SGPP2: variants seen among roughly 807,000 people sequenced by gnomAD.
SGPP2 encodes sphingosine-1-phosphate phosphatase 2, also known as sphingosine 1-phosphate phosphohydrolase 2.
SGPP2 carries 30 observed loss-of-function variants against 33.9 expected under a neutral mutation model. The ratio of observed to expected loss-of-function variants is 0.89; its 90% confidence interval spans 0.66 to 1.20. The LOEUF (loss-of-function observed/expected upper bound fraction) is 1.20. Ranked by LOEUF, SGPP2 falls within the 50% of genes most tolerant of loss-of-function variation. The pLI is 0.00. For synonymous variants in SGPP2, 233 were observed against 225.0 expected, an observed-to-expected ratio of 1.04 and a Z score of -0.32; for missense variants, 458 against 532.1, an observed-to-expected ratio of 0.86 and a Z score of 1.37.
chr2:222,507,435 T>C (rs1256134389), intron 2 of SGPP2, among the ~76,000 whole-genome samples: 10 of 152,244 alleles, frequency 6.6e-5, no homozygotes, highest in Admixed American at 6.5e-4. Flanking sequence ...GGACCTGGCA[T>C]GTGACTAACA....
chr2:222,542,626 G>C (rs1337184024), intron 4 of SGPP2, among the ~76,000 whole-genome samples: 2 of 151,964 alleles, frequency 1.3e-5, no homozygotes, highest in African/African-American at 4.8e-5. Context: ...ATCTCATGTG[G>C]TTTCAATTTC....
intron 1 of SGPP2, 111 bp from the exon 2 acceptor site, chr2:222,474,457 T>G: frequency 1.1e-6 from 1 of 872,602 alleles, no homozygotes; most frequent in Non-Finnish European, 1.8e-6. Context: ...AATAACATAA[T>G]GGGAGAGGAG....
intron 4 of SGPP2, among the ~76,000 whole-genome samples, chr2:222,553,373 T>C (rs1689330692): frequency 6.6e-6 from 1 of 152,042 alleles, no homozygotes; most frequent in Non-Finnish European, 1.5e-5. Context: ...AATAGACGTA[T>C]GTGAGTGGGG....
chr2:222,464,460 G>A (rs1697713438), intron 1 of SGPP2, among the ~76,000 whole-genome samples: 1 of 152,166 alleles, frequency 6.6e-6, no homozygotes, highest in Admixed American at 6.5e-5. Flanking sequence ...AGCAAATGCT[G>A]TGTCCTTCAA....
chr2:222,446,092 A>G (rs1000034753), intron 1 of SGPP2, among the ~76,000 whole-genome samples: 2 of 152,196 alleles, frequency 1.3e-5, no homozygotes, highest in Non-Finnish European at 2.9e-5. Flanking sequence ...CTTGAATGCT[A>G]GGTGAACACT....
In SGPP2 at chr2:222,476,303, C is replaced by T. The variant is rs1012458195; in HGVS notation, c.378+1577C>T. On this transcript the variant is annotated intron_variant, in intron 2 of 4. Coordinates refer to ENST00000321276, the MANE Select transcript of SGPP2 (RefSeq NM_152386.4). The surrounding 1 kb of genome is among the most constrained non-coding windows in gnomAD (Gnocchi z 4.3). ...GAAATAAAGCAGCAATGTCCTGGGC[C>T]AGGGTGAGGGGTGGCAAGGGCGGGG... Among the ~76,000 whole-genome samples the T allele has an allele frequency of 9.2e-5, 14 of 152,022 alleles. No homozygotes were observed. The highest frequency in any genetic ancestry group is 3.1e-4 in the African/African-American group (13 of 41,386).
chr2:222,469,168 G>A (rs939614647), intron 1 of SGPP2, among the ~76,000 whole-genome samples: 1 of 152,190 alleles, frequency 6.6e-6, no homozygotes, highest in Non-Finnish European at 1.5e-5. Flanking sequence ...CAGATGAGAT[G>A]CATGCTAAGA....
chr2:222,533,867 C>T (rs1698875434), intron 4 of SGPP2, among the ~76,000 whole-genome samples: 1 of 151,806 alleles, frequency 6.6e-6, no homozygotes, highest in Admixed American at 6.6e-5. Flanking sequence ...ATTGGCTGCA[C>T]CTGGATAATA....
chr2:222,494,247 TCCCAGCTGCACTGAGCAC>T, intron 2 of SGPP2, among the ~76,000 whole-genome samples: 1 of 152,102 alleles, frequency 6.6e-6, no homozygotes, highest in Non-Finnish European at 1.5e-5. Context: ...TTTCAAAGGA[TCCCAGCTGCACTGAGCAC>T]TGGGAAGAAA....
chr2:222,517,997 A>C (rs1264386556), intron 2 of SGPP2, among the ~76,000 whole-genome samples: 1 of 152,160 alleles, frequency 6.6e-6, no homozygotes, highest in Non-Finnish European at 1.5e-5. Context: ...AAATCTTCTT[A>C]TTGTGTCACC....
intron 1 of SGPP2, among the ~76,000 whole-genome samples, chr2:222,435,856 C>T (rs1012076017): frequency 1.3e-5 from 2 of 152,186 alleles, no homozygotes; most frequent in South Asian, 4.1e-4. Context: ...CCTTCTACTG[C>T]CCATTCCCTT....
chr2:222,521,080 G>A (rs1413784705), intron 2 of SGPP2, among the ~76,000 whole-genome samples: 2 of 152,222 alleles, frequency 1.3e-5, no homozygotes, highest in Non-Finnish European at 2.9e-5. Context: ...TTTAAAGACT[G>A]AAAATACCCA....
chr2:222,531,645 G>A (rs528951190), intron 4 of SGPP2, among the ~76,000 whole-genome samples: 23 of 152,232 alleles, frequency 1.5e-4, no homozygotes, highest in African/African-American at 4.3e-4. Context: ...TGTTAATACC[G>A]CTGGATATTT....
intron 4 of SGPP2, among the ~76,000 whole-genome samples, chr2:222,532,039 G>A (rs1042656876): frequency 2.6e-5 from 4 of 152,130 alleles, no homozygotes; most frequent in African/African-American, 9.7e-5. Context: ...TTGGGAGGCC[G>A]AGGCAGGTGG....
rs144920201 is a variant in SGPP2, at chr2:222,493,618, G to A, written c.378+18892G>A. Among the ~76,000 whole-genome samples, 830 of 152,264 alleles carry A rather than the reference G, an allele frequency of 5.5e-3. 11 individuals carry two copies. Among genetic ancestry groups the A allele is most frequent in the African/African-American group, 0.019 (781 of 41,534 alleles). Reference sequence around the variant, plus strand: ...CCCAAAGTACTGAGATTATAGCCATGAGCCACTGCACTCAGCCTAAATGTA... The same window carrying A: ...CCCAAAGTACTGAGATTATAGCCATAAGCCACTGCACTCAGCCTAAATGTA... On this transcript the variant is annotated intron_variant, in intron 2 of 4. Coordinates refer to ENST00000321276, the MANE Select transcript of SGPP2 (RefSeq NM_152386.4).
intron 1 of SGPP2, among the ~76,000 whole-genome samples, chr2:222,459,487 A>G (rs1177544275): frequency 1.3e-5 from 2 of 152,238 alleles, no homozygotes; most frequent in East Asian, 3.9e-4. Context: ...AGGACACAGG[A>G]TGCTGAAGTC....
intron 2 of SGPP2, among the ~76,000 whole-genome samples, chr2:222,502,342 T>C (rs1251717557): frequency 6.6e-6 from 1 of 152,214 alleles, no homozygotes; most frequent in Non-Finnish European, 1.5e-5. Flanking sequence ...GTAAAGACTA[T>C]TGCTGTCCTT....
At chr2:222,508,502 A>G (rs751050547) in intron 2 of SGPP2, among the ~76,000 whole-genome samples, 34 of 152,220 alleles carry the variant, frequency 2.2e-4, no homozygotes, top group Non-Finnish European at 4.7e-4. Flanking sequence ...AGTATACACT[A>G]AAAACAATCA....
At chr2:222,437,405 T>G (rs1312491830) in intron 1 of SGPP2, among the ~76,000 whole-genome samples, 2 of 152,242 alleles carry the variant, frequency 1.3e-5, no homozygotes, top group East Asian at 3.8e-4. Flanking sequence ...GCTGTAGTGC[T>G]GCAGCTGTCC....
Sources: gnomAD v4.1 joint callset for allele counts (sites outside exome capture counted in the v4.1 genomes callset) on GRCh38, gnomAD v4.1.1 for gene constraint, Gnocchi (gnomAD v3.1) non-coding constraint, MANE v1.5 for transcripts, NCBI Gene and HGNC (gene_info 2026-07-23, HGNC 2026-07-21) for gene names.